BRCA1: variants seen among roughly 807,000 people sequenced by gnomAD.
The protein encoded by BRCA1 is BRCA1 DNA repair associated.
Under a neutral mutation model 173.7 loss-of-function variants are expected in BRCA1, and 140 were observed. The observed-to-expected ratio is 0.81, with a 90% confidence interval of 0.70 to 0.93. The LOEUF is 0.93. BRCA1 is among the 40% of genes least tolerant of loss of function. The pLI, the probability that BRCA1 is intolerant of heterozygous loss-of-function variation, is 0.00. For synonymous variants in BRCA1, 662 were observed against 756.0 expected, an observed-to-expected ratio of 0.88 and a Z score of 2.04; for missense variants, 1,983 against 2,172.5, an observed-to-expected ratio of 0.91 and a Z score of 1.73.
At chr17:43,100,684 T>TA (rs1475466157) in intron 6 of BRCA1, among the ~76,000 whole-genome samples, 8 of 12,558 alleles carry the variant, frequency 6.4e-4, no homozygotes, top group African/African-American at 1.5e-3. Context: ...ATATAATATA[T>TA]ATATATATAT....
chr17:43,135,474 C>T (rs1277830470), intron 1 of BRCA1, among the ~76,000 whole-genome samples: 3 of 152,174 alleles, frequency 2.0e-5, no homozygotes, highest in East Asian at 1.9e-4. Flanking sequence ...TACAACAGTG[C>T]GTTAAATAAG....
intron 11 of BRCA1, among the ~76,000 whole-genome samples, chr17:43,089,736 G>A (rs936199634): frequency 3.3e-5 from 5 of 151,818 alleles, no homozygotes; most frequent in South Asian, 2.1e-4. Context: ...TAGGCCAGGC[G>A]TGGTTGCACA....
At chr17:43,053,196 T>C (rs2051322778) in intron 19 of BRCA1, among the ~76,000 whole-genome samples, 1 of 152,130 alleles carries the variant, frequency 6.6e-6, no homozygotes, top group Admixed American at 6.6e-5. Flanking sequence ...ACTACCTGTA[T>C]GAATAAACCG....
rs182270832 is a variant in BRCA1, at chr17:43,157,083, C to G, written c.-20+13043G>C. On this transcript the variant is annotated intron_variant, in intron 1 of 7. Coordinates refer to the BRCA1 transcript ENST00000634433. Reference sequence around the variant, plus strand: ...TGAAAAACAACAACCCACCGGGGAACACATTTTAGCAAATTCTTCTGAAAG... The same window carrying G: ...TGAAAAACAACAACCCACCGGGGAAGACATTTTAGCAAATTCTTCTGAAAG... 7.5e-3 allele frequency among the ~76,000 whole-genome samples: 1,139 copies of G among 152,246 alleles called. 16 individuals carry two copies. Among genetic ancestry groups the G allele is most frequent in the South Asian group, 8.9e-3 (43 of 4,818 alleles).
rs1567772328 is a variant in BRCA1 at position 43,067,667 on chromosome 17, T to C, written c.5015A>G (p.His1672Arg). Residue 1672 changes from histidine (H) to arginine (R), a missense_variant, in exon 16 of 23, where the codon CAC (histidine) becomes CGC (arginine). Transcript: ENST00000357654. ...FMLVYKFARK[H>R]HITLTNLITE... ...AATTAGATTAGTTAAAGTGATGTGG[T>C]GTTTTCTGGCAAACTTGTACACGAG... is the stretch of plus-strand genomic sequence containing the variant. 6.2e-7 allele frequency: 1 copy of C among 1,613,634 alleles called. No homozygotes were observed. The highest frequency in any genetic ancestry group is 2.2e-5 in the East Asian group (1 of 44,874).
At chr17:43,165,843 T>C (rs183825621) in intron 1 of BRCA1, 2 of 151,996 alleles carry the variant, frequency 1.3e-5, no homozygotes, top group East Asian at 3.9e-4. Flanking sequence ...TGTTAACTTT[T>C]AGCAAACTTT....
Position 43,051,040 on chromosome 17 carries a change from C to T in BRCA1, c.5332+23G>A, listed in dbSNP as rs2051190177. 6.2e-7 allele frequency: 1 copy of T among 1,610,448 alleles called. No homozygotes were observed. Among genetic ancestry groups the T allele is most frequent in the Non-Finnish European group, 8.5e-7 (1 of 1,176,706 alleles). On this transcript the variant is annotated intron_variant, in intron 20 of 22. Coordinates refer to ENST00000357654, the MANE Select transcript of BRCA1 (RefSeq NM_007294.4). ...TAAGACAAAGGCTGGTGCTGGAACT[C>T]TGGGGTTCTCCCAGGCTCTTACCTG...
intron 1 of BRCA1, among the ~76,000 whole-genome samples, chr17:43,153,850 T>G (rs2056179226): frequency 6.6e-6 from 1 of 152,172 alleles, no homozygotes; most frequent in African/African-American, 2.4e-5. Flanking sequence ...GATTACTTTG[T>G]AAAAACAGTG....
intron 1 of BRCA1, among the ~76,000 whole-genome samples, chr17:43,145,989 T>G (rs191198315): frequency 6.6e-6 from 1 of 152,294 alleles, no homozygotes; most frequent in Admixed American, 6.5e-5. Context: ...TAGAATTGTT[T>G]CCTAAAGAAA....
At chr17:43,056,460 C>T (rs942592880) in intron 19 of BRCA1, among the ~76,000 whole-genome samples, 3 of 152,102 alleles carry the variant, frequency 2.0e-5, no homozygotes, top group South Asian at 2.1e-4. Context: ...ATAACAGGAA[C>T]GAGCCGCTGT....
At chr17:43,121,323 C>T (rs917707353) in intron 2 of BRCA1, among the ~76,000 whole-genome samples, 6 of 151,946 alleles carry the variant, frequency 3.9e-5, no homozygotes, top group African/African-American at 1.5e-4. Flanking sequence ...GGCAGTGAGC[C>T]AAGATCGTGC....
chr17:43,098,540 T>C (rs190680683), intron 7 of BRCA1, among the ~76,000 whole-genome samples: 42 of 150,894 alleles, frequency 2.8e-4, no homozygotes, highest in African/African-American at 8.0e-4. Context: ...TTTTTTTTTT[T>C]GTATTTTTAG....
At chr17:43,111,194 T>C (rs531360182) in intron 3 of BRCA1, among the ~76,000 whole-genome samples, 128 of 151,958 alleles carry the variant, frequency 8.4e-4, no homozygotes, top group African/African-American at 3.0e-3. Context: ...TCTAGATTGG[T>C]ATTATTATCT....
intron 11 of BRCA1, among the ~76,000 whole-genome samples, chr17:43,086,820 T>C (rs1330334646): frequency 6.6e-6 from 1 of 152,156 alleles, no homozygotes; most frequent in Admixed American, 6.5e-5. Context: ...GCCTCCTAAA[T>C]CTTTTCATCA....
At chr17:43,055,777 C>A (rs2051431942) in intron 19 of BRCA1, among the ~76,000 whole-genome samples, 1 of 152,014 alleles carries the variant, frequency 6.6e-6, no homozygotes, top group Non-Finnish European at 1.5e-5. Flanking sequence ...CAGAATCAGA[C>A]AAAAAATTAG....
At position 43,104,930 on chromosome 17, in the gene BRCA1, C is replaced by T. The variant is rs2054690270; in HGVS notation, c.239G>A (p.Ser80Asn). The change falls in exon 5 of 23, where the codon AGT (serine) becomes AAT (asparagine). Residue 80 changes from serine to asparagine, a missense_variant. Ser to Asn is a conservative substitution (Grantham distance 46). Coordinates refer to ENST00000357654, the MANE Select transcript of BRCA1 (RefSeq NM_007294.4). ...KRSLQESTRF[S>N]QLVEELLKII... ...TTTCAATAGCTCTTCAACAAGTTGA[C>T]TAAATCTCGTACTTTCTTGTAGGCT... 1 of 1,613,834 alleles carries T rather than the reference C, an allele frequency of 6.2e-7. No individual in the cohort carries two copies. The highest frequency in any genetic ancestry group is 1.1e-5 in the South Asian group (1 of 91,080).
chr17:43,166,658 G>A (rs2056270421), intron 1 of BRCA1: 1 of 152,110 alleles, frequency 6.6e-6, no homozygotes, highest in African/African-American at 2.4e-5. Context: ...ACAAAACAAA[G>A]AACCGGTAAA....
At chr17:43,121,540 T>C (rs980944614) in intron 2 of BRCA1, among the ~76,000 whole-genome samples, 8 of 147,750 alleles carry the variant, frequency 5.4e-5, no homozygotes, top group Non-Finnish European at 9.0e-5. Flanking sequence ...CAAAATTAGC[T>C]GGTGTGATGG....
rs80356886 is a variant in BRCA1 at position 43,091,520 on chromosome 17, G to A, written c.4011C>T (p.Asp1337=). 2.5e-6 allele frequency: 4 copies of A among 1,613,808 alleles called. No homozygotes were observed. In the African/African-American group the frequency reaches 4.0e-5, roughly 16 times the overall value. Residue 1337 remains aspartate, a synonymous_variant, in exon 10 of 23, where the codon GAC becomes GAT. Coordinates refer to ENST00000357654, the MANE Select transcript of BRCA1 (RefSeq NM_007294.4). ...CTTCATCATCTGAAACCAATTCCTT[G>A]TCACTCAGACCAACTCCCTGGCTTT... The part of the protein sequence containing the change: ...QSESQGVGLS[D]KELVSDDEER...
Sources: allele counts gnomAD v4.1 joint callset (sites outside exome capture counted in the v4.1 genomes callset), GRCh38; gene constraint gnomAD v4.1.1; transcripts MANE v1.5; gene names NCBI Gene and HGNC (gene_info 2026-07-23, HGNC 2026-07-21).